The following THSD4 variants were observed in gnomAD, a reference collection of about 807,000 sequenced individuals.
THSD4 encodes the protein thrombospondin type 1 domain containing 4, also known as thrombospondin type-1 domain-containing protein 4.
In THSD4, 69 loss-of-function variants were observed where a neutral mutation model predicts 119.0. The ratio of observed to expected loss-of-function variants is 0.58; its 90% CI spans 0.48 to 0.71. The LOEUF (loss-of-function observed/expected upper bound fraction) is 0.71, where lower values mean the gene tolerates loss of function less well. Among genes scored for constraint, THSD4 ranks in the 30% least tolerant of loss-of-function variants. The pLI is 0.00. For synonymous variants in THSD4, 524 were observed against 540.4 expected, an observed-to-expected ratio of 0.97 and a Z score of 0.42; for missense variants, 1,393 against 1,391.1, an observed-to-expected ratio of 1.00 and a Z score of -0.02.
intron 4 of THSD4, among the ~76,000 whole-genome samples, chr15:71,219,437 G>A (rs770872258): frequency 2.0e-5 from 3 of 152,210 alleles, no homozygotes; most frequent in Non-Finnish European, 2.9e-5. Context: ...TTGCCGTGGA[G>A]TGGGTGGCTT....
In THSD4 at chr15:71,356,090, A is replaced by G. The variant is rs905550931; in HGVS notation, c.1016-55597A>G. On this transcript the variant is annotated intron_variant, in intron 6 of 17. Coordinates refer to ENST00000261862, the MANE Select transcript of THSD4 (RefSeq NM_024817.3). The stretch of plus-strand genomic sequence containing the variant: ...ACCGTGTTGCCCAAACTGGTCTCGA[A>G]CTCCTGACCCCAAGGGATCTGCCTA... 4.0e-5 allele frequency among the ~76,000 whole-genome samples: 6 copies of G among 151,890 alleles called. No individual in the cohort carries two copies. In the East Asian group the frequency reaches 1.2e-3, roughly 30 times the overall value.
At chr15:71,444,169 G>A (rs2047148749) in intron 7 of THSD4, among the ~76,000 whole-genome samples, 1 of 152,200 alleles carries the variant, frequency 6.6e-6, no homozygotes. Context: ...TTGCTGGGTG[G>A]ACAGGCACGC....
chr15:71,475,637 TGGC>T (rs2047645127), intron 7 of THSD4, among the ~76,000 whole-genome samples: 2 of 152,080 alleles, frequency 1.3e-5, no homozygotes, highest in Admixed American at 1.3e-4. Flanking sequence ...CATAAAGAAA[TGGC>T]GGCCAGGCGT....
At chr15:71,351,564 T>G (rs1383207557) in intron 6 of THSD4, among the ~76,000 whole-genome samples, 2 of 152,168 alleles carry the variant, frequency 1.3e-5, no homozygotes, top group Non-Finnish European at 1.5e-5. Context: ...ACTAAGCAAA[T>G]CTTTTATAAC....
chr15:71,330,951 C>T (rs1208659007), intron 6 of THSD4, among the ~76,000 whole-genome samples: 3 of 152,202 alleles, frequency 2.0e-5, no homozygotes, highest in Non-Finnish European at 2.9e-5. Context: ...GTGCCACTGG[C>T]GATCTGGCCT....
intron 12 of THSD4, 69 bp from the exon 13 acceptor site, chr15:71,746,769 G>C (rs1265610070): frequency 4.7e-6 from 7 of 1,498,854 alleles, no homozygotes; most frequent in African/African-American, 1.4e-5. Flanking sequence ...GTACGCTGCT[G>C]CGGGCTCACG....
At chr15:71,561,424 T>G (rs2049115087) in intron 7 of THSD4, among the ~76,000 whole-genome samples, 1 of 152,204 alleles carries the variant, frequency 6.6e-6, no homozygotes, top group African/African-American at 2.4e-5. Context: ...TCAAGCCTAA[T>G]GGAGAAAGAT....
chr15:71,200,916 C>A (rs1477740905), intron 3 of THSD4, among the ~76,000 whole-genome samples: 1 of 152,176 alleles, frequency 6.6e-6, no homozygotes, highest in Admixed American at 6.5e-5. Context: ...CTTTCCCATG[C>A]CCCAAGCTGG....
intron 8 of THSD4, among the ~76,000 whole-genome samples, chr15:71,672,023 A>G (rs2051541545): frequency 6.6e-6 from 1 of 152,178 alleles, no homozygotes; most frequent in South Asian, 2.1e-4. Flanking sequence ...TCTGTGAAGA[A>G]AGTCATTGGT....
intron 3 of THSD4, among the ~76,000 whole-genome samples, chr15:71,182,111 C>T (rs2043536480): frequency 6.6e-6 from 1 of 151,774 alleles, no homozygotes; most frequent in African/African-American, 2.4e-5. Flanking sequence ...CTCTATGACA[C>T]CCTCTGCCCT....
chr15:71,696,473 A>G (rs2052167877), intron 8 of THSD4, among the ~76,000 whole-genome samples: 1 of 152,138 alleles, frequency 6.6e-6, no homozygotes, highest in African/African-American at 2.4e-5. Context: ...AACACCTCCC[A>G]CTAGGCGCCA....
chr15:71,309,926 C>A (rs1039892993), intron 6 of THSD4, among the ~76,000 whole-genome samples: 1 of 152,196 alleles, frequency 6.6e-6, no homozygotes, highest in East Asian at 1.9e-4. Flanking sequence ...TCCTCCCTAC[C>A]TCATGTACTC....
At chr15:71,562,658 C>A (rs1329151914) in intron 7 of THSD4, among the ~76,000 whole-genome samples, 1 of 151,656 alleles carries the variant, frequency 6.6e-6, no homozygotes, top group Non-Finnish European at 1.5e-5. Context: ...TATTCTAAGT[C>A]CCACCTCTTC....
At chr15:71,545,198 G>A (rs1002408697) in intron 7 of THSD4, among the ~76,000 whole-genome samples, 1 of 152,176 alleles carries the variant, frequency 6.6e-6, no homozygotes, top group African/African-American at 2.4e-5. Flanking sequence ...ATTAAAAGGA[G>A]GACATGGTTA....
intron 7 of THSD4, among the ~76,000 whole-genome samples, chr15:71,473,031 T>A (rs979988323): frequency 2.0e-5 from 3 of 151,772 alleles, no homozygotes; most frequent in Non-Finnish European, 1.5e-5. Flanking sequence ...TTACCAAGTC[T>A]TTTTGACTGT....
intron 3 of THSD4, among the ~76,000 whole-genome samples, chr15:71,193,832 C>CGAG (rs777006022): frequency 1.3e-5 from 2 of 152,310 alleles, no homozygotes; most frequent in South Asian, 2.1e-4. Flanking sequence ...CTCAGCCTCC[C>CGAG]TAGTCCCCCC....
chr15:71,487,727 G>C (rs1440033988), intron 7 of THSD4, among the ~76,000 whole-genome samples: 5 of 152,104 alleles, frequency 3.3e-5, no homozygotes, highest in Admixed American at 2.6e-4. Context: ...ATTTTTCTAA[G>C]TGACTTTAAC....
At position 71,552,183 on chromosome 15, in the gene THSD4, A is replaced by G. The variant is rs563791646; in HGVS notation, c.1153-108347A>G. 2.0e-5 allele frequency among the ~76,000 whole-genome samples: 3 copies of G among 152,306 alleles called. No homozygotes were observed. The South Asian group carries it at 6.2e-4, about 32-fold the overall frequency. Reference sequence around the variant, plus strand: ...TCCATTGTGAGGGGATGTGGCGGGAAATTTGTCAGTCAGCTCGATCCTGAG... The same window carrying G: ...TCCATTGTGAGGGGATGTGGCGGGAGATTTGTCAGTCAGCTCGATCCTGAG... On this transcript the variant is annotated intron_variant, in intron 7 of 17. Transcript: ENST00000261862.
intron 7 of THSD4, among the ~76,000 whole-genome samples, chr15:71,572,407 G>A (rs1055813997): frequency 3.9e-5 from 6 of 152,184 alleles, no homozygotes; most frequent in African/African-American, 1.4e-4. Flanking sequence ...CTCACCTGTA[G>A]TAGTGGCTGT....
Sources: allele counts gnomAD v4.1 joint callset (sites outside exome capture counted in the v4.1 genomes callset), GRCh38; gene constraint gnomAD v4.1.1; transcripts MANE v1.5; gene names NCBI Gene and HGNC (gene_info 2026-07-23, HGNC 2026-07-21).